Variants in ACLY observed in about 807,000 individuals in gnomAD.
The protein encoded by ACLY is ATP-citrate synthase.
ACLY carries 41 observed loss-of-function variants against 133.0 expected under a neutral mutation model. The ratio of observed to expected loss-of-function variants is 0.31; its 90% CI spans 0.24 to 0.40. ACLY has a LOEUF of 0.40. Among genes scored for constraint, ACLY ranks in the 10% least tolerant of loss-of-function variants. The pLI, the probability that ACLY is intolerant of heterozygous loss-of-function variation, is 1.00. For synonymous variants in ACLY, 495 were observed against 549.3 expected (o/e 0.90, Z 1.38); for missense variants, 1,046 against 1,453.8 (o/e 0.72, Z 4.56).
At chr17:41,913,215 G>A (rs148017875) in intron 2 of ACLY, among the ~76,000 whole-genome samples, 146 of 152,286 alleles carry the variant, frequency 9.6e-4, no homozygotes, top group African/African-American at 3.4e-3. Flanking sequence ...CTCCAGGGTC[G>A]GGGCCATTCT....
intron 1 of ACLY, among the ~76,000 whole-genome samples, chr17:41,927,138 G>A (rs782736585): frequency 7.2e-5 from 11 of 152,204 alleles, no homozygotes; most frequent in Non-Finnish European, 2.9e-5. Context: ...AAAGTACTAG[G>A]ATTACAGGCT....
intron 10 of ACLY, 54 bp from the exon 11 acceptor site, chr17:41,901,867 T>C: frequency 7.4e-7 from 1 of 1,356,330 alleles, no homozygotes; most frequent in Non-Finnish European, 1.0e-6. Flanking sequence ...AAGTCAATGA[T>C]TTATAACCGT....
upstream of ACLY, chr17:41,919,056 T>C (rs1349700248): frequency 4.0e-6 from 5 of 1,259,748 alleles, no homozygotes; most frequent in Admixed American, 7.8e-5. Flanking sequence ...CCACACGCGT[T>C]CCCTAGCCTG....
intron 10 of ACLY, 130 bp downstream of exon 10, chr17:41,904,599 G>A: frequency 1.2e-6 from 1 of 829,548 alleles, no homozygotes; most frequent in Non-Finnish European, 2.0e-6. Context: ...AGACCCTGGG[G>A]CAAGAGCTCC....
chr17:41,872,234 A>G, intron 23 of ACLY, 52 bp from the exon 24 acceptor site: 1 of 1,556,870 alleles, frequency 6.4e-7, no homozygotes, highest in Non-Finnish European at 8.8e-7. Context: ...CCATGCTCGT[A>G]CTTTCCCCCA....
At chr17:41,917,855 C>G (rs141578622) in intron 1 of ACLY, among the ~76,000 whole-genome samples, 101 of 152,250 alleles carry the variant, frequency 6.6e-4, no homozygotes, top group African/African-American at 2.4e-3. Context: ...AATCACCCAT[C>G]TGGGCAAATG....
chr17:41,909,523 C>T lies in ACLY; in HGVS notation c.523G>A (p.Glu175Lys). Residue 175 changes from glutamate to lysine, a missense_variant, in exon 5 of 29, where the codon GAA (glutamate) becomes AAA (lysine). This residue lies in a region of ACLY where 227 missense variants were observed against 245.6 expected (regional missense o/e 0.92). Transcript: ENST00000352035. ...CTCTCACTCAACTCTTTCTTGTCTT[C>T]AGGGGCGTGGACCAACAGGTGTTTT... ...IKKHLLVHAP[E>K]DKKEILASFI... 6.2e-7 allele frequency: 1 copy of T among 1,614,062 alleles called. No individual in the cohort carries two copies. The highest frequency in any genetic ancestry group is 8.5e-7 in the Non-Finnish European group (1 of 1,179,950).
Position 41,904,274 on chromosome 17 carries a change from G to A in ACLY, c.1065+455C>T, listed in dbSNP as rs543802586. Among the ~76,000 whole-genome samples, 487 of 116,096 alleles carry A rather than the reference G, an allele frequency of 4.2e-3. 1 individual carries two copies. Among genetic ancestry groups the A allele is most frequent in the Non-Finnish European group, 6.5e-3 (354 of 54,120 alleles). The allele number at this position is 116,096 out of a possible 152,430, so 76.2% of individuals were successfully genotyped here. Reference sequence around the variant, plus strand: ...GGAAGGGAGGGGAGGGAGGAAGGGAGGGGAGGGAGGAAGGAAAGGGAGGGA... The same window carrying A: ...GGAAGGGAGGGGAGGGAGGAAGGGAAGGGAGGGAGGAAGGAAAGGGAGGGA... On this transcript the variant is annotated intron_variant, in intron 10 of 28. Coordinates refer to ENST00000352035, the MANE Select transcript of ACLY (RefSeq NM_001096.3).
upstream of ACLY, chr17:41,919,027 A>C (rs1555635048): frequency 7.8e-7 from 1 of 1,284,784 alleles, no homozygotes; most frequent in African/African-American, 1.5e-5. Context: ...GCTCGCGGCG[A>C]GAACGGCCCC....
intron 10 of ACLY, among the ~76,000 whole-genome samples, chr17:41,902,557 A>C (rs1344398979): frequency 4.6e-5 from 7 of 152,176 alleles, no homozygotes; most frequent in African/African-American, 7.2e-5. Context: ...CTTTGGAAAA[A>C]TGAGAGGGTG....
chr17:41,892,581 G>A, intron 15 of ACLY, 134 bp from the exon 16 acceptor site: 2 of 764,406 alleles, frequency 2.6e-6, no homozygotes, highest in Non-Finnish European at 4.2e-6. Context: ...TCATCTAAGG[G>A]ACAAAGATCC....
At chr17:41,901,612 G>T in intron 11 of ACLY, 84 bp downstream of exon 11, 2 of 1,187,964 alleles carry the variant, frequency 1.7e-6, no homozygotes, top group South Asian at 2.6e-5. Flanking sequence ...AAGAGCCTAA[G>T]ACTGATGCTC....
Position 41,879,376 on chromosome 17 carries a change from G to A in ACLY, c.2266-452C>T, listed in dbSNP as rs148678599. 2.3e-3 allele frequency among the ~76,000 whole-genome samples: 343 copies of A among 149,882 alleles called. 2 individuals are homozygous for A. The highest frequency in any genetic ancestry group is 3.1e-3 in the Non-Finnish European group (207 of 67,736). ...CAGCCTCGGCCTTGCAAAGTGCTGGGATTACAGGTGTGAGCCACCACGCCT... is the reference window on the plus strand; with the variant it reads ...CAGCCTCGGCCTTGCAAAGTGCTGGAATTACAGGTGTGAGCCACCACGCCT... On this transcript the variant is annotated intron_variant, in intron 20 of 28. Transcript: ENST00000352035.
chr17:41,928,583 GGCTCAT>G (rs1312038268), intron 1 of ACLY, among the ~76,000 whole-genome samples: 3 of 151,518 alleles, frequency 2.0e-5, no homozygotes, highest in Non-Finnish European at 4.4e-5. Flanking sequence ...CAGGCACAGT[GGCTCAT>G]GCCTGTAATC....
chr17:41,921,526 G>A (rs1001697093), upstream of ACLY, among the ~76,000 whole-genome samples: 17 of 148,668 alleles, frequency 1.1e-4, no homozygotes, highest in African/African-American at 4.0e-4. Context: ...AGAAAAGAAA[G>A]AAGGAAGGAA....
intron 15 of ACLY, 37 bp downstream of exon 15, chr17:41,892,996 A>G (rs782304123): frequency 6.9e-6 from 11 of 1,600,470 alleles, no homozygotes; most frequent in Non-Finnish European, 7.7e-6. Context: ...TTGTCTTAGC[A>G]GAGGAAGGAG....
intron 5 of ACLY, among the ~76,000 whole-genome samples, 182 bp from the exon 6 acceptor site, chr17:41,909,250 C>T (rs1379191732): frequency 3.3e-5 from 5 of 152,062 alleles, no homozygotes; most frequent in Admixed American, 2.6e-4. Flanking sequence ...GCCACTGAGG[C>T]GGAAAGGAGC....
intron 1 of ACLY, among the ~76,000 whole-genome samples, chr17:41,925,580 C>G (rs953480836): frequency 1.3e-5 from 2 of 151,794 alleles, no homozygotes; most frequent in African/African-American, 2.4e-5. Context: ...CCACTGCACT[C>G]CAGCCTTTAT....
chr17:41,886,902 C>A (rs1263720481), intron 17 of ACLY, among the ~76,000 whole-genome samples: 2 of 152,018 alleles, frequency 1.3e-5, no homozygotes, highest in African/African-American at 4.8e-5. Context: ...AGGGGGCAGA[C>A]TACCTGAGGT....
Sources: allele counts gnomAD v4.1 joint callset (sites outside exome capture counted in the v4.1 genomes callset), GRCh38; gene constraint gnomAD v4.1.1; regional missense constraint gnomAD v4.1.1; transcripts MANE v1.5; gene names NCBI Gene and HGNC (gene_info 2026-07-23, HGNC 2026-07-21).